CLDN14: variants seen among roughly 807,000 people sequenced by gnomAD.
CLDN14 encodes the protein claudin-14.
Under a neutral mutation model 2.1 loss-of-function variants are expected in CLDN14, and 2 were observed. The ratio of observed to expected loss-of-function variants is 0.96; its 90% CI spans 0.39 to 3.01. CLDN14 has a LOEUF of 3.01. Ranked by LOEUF, CLDN14 falls within the 30% of genes most tolerant of loss-of-function variation. The probability of loss-of-function intolerance (pLI) is 0.09; values close to 1 mark genes in which losing one functional copy is unlikely to be tolerated. For missense variants in CLDN14, 298 were observed against 328.0 expected, an observed-to-expected ratio of 0.91 and a Z score of 0.71; for synonymous variants, 136 against 154.4, an observed-to-expected ratio of 0.88 and a Z score of 0.88.
At chr21:36,483,971 A>AG (rs1207271547), upstream of CLDN14, among the ~76,000 whole-genome samples, 4 of 152,194 alleles carry the variant, frequency 2.6e-5, no homozygotes, top group Admixed American at 6.5e-5. Context: ...TAAGGAGCCA[A>AG]GGGGGACAGG....
In CLDN14 at chr21:36,558,917, A is replaced by G. The variant is rs142355977; in HGVS notation, c.-220+17494T>C. Among the ~76,000 whole-genome samples, 81 of 152,232 alleles carry G rather than the reference A, an allele frequency of 5.3e-4. No homozygotes were observed. In the East Asian group the frequency reaches 0.013, roughly 24 times the overall value. On this transcript the variant is annotated intron_variant, in intron 1 of 2. Coordinates refer to the CLDN14 transcript ENST00000342108. Reference sequence around the variant, plus strand: ...GACATTTTATTTATATGTAATGTTTATATATTTTAAAGATTTGTGCCAAGG... The same window carrying G: ...GACATTTTATTTATATGTAATGTTTGTATATTTTAAAGATTTGTGCCAAGG...
At chr21:36,485,166 T>C (rs1279050042) in intron 2 of CLDN14, among the ~76,000 whole-genome samples, 7 of 151,582 alleles carry the variant, frequency 4.6e-5, no homozygotes, top group Non-Finnish European at 5.9e-5. Flanking sequence ...ATGTGTTCTT[T>C]ACAGTTGCCA....
chr21:36,519,826 T>A (rs2087256992), intron 1 of CLDN14, among the ~76,000 whole-genome samples: 1 of 152,160 alleles, frequency 6.6e-6, no homozygotes, highest in African/African-American at 2.4e-5. Context: ...GAGAGCGTCT[T>A]CTCTGTTCCT....
chr21:36,568,565 T>C (rs420925), intron 1 of CLDN14, among the ~76,000 whole-genome samples: 114,272 of 152,082 alleles, frequency 0.75, 44,346 homozygotes, highest in Non-Finnish European at 0.87. Context: ...CAAAGCAAGA[T>C]GTTAAAAGCC....
upstream of CLDN14, among the ~76,000 whole-genome samples, chr21:36,482,376 G>A: frequency 4.5e-5 from 6 of 134,282 alleles, no homozygotes; most frequent in African/African-American, 1.8e-4. Flanking sequence ...ACTGACGGAT[G>A]GATGGATGGA....
upstream of CLDN14, among the ~76,000 whole-genome samples, chr21:36,482,363 TAGACTGAC>T (rs770506492): frequency 0.016 from 2,186 of 140,230 alleles, 19 homozygotes; most frequent in Middle Eastern, 0.051. Flanking sequence ...GATGGATGGA[TAGACTGAC>T]GGATGGATGG....
chr21:36,537,606 A>C (rs1273464259), intron 1 of CLDN14, among the ~76,000 whole-genome samples: 3 of 45,972 alleles, frequency 6.5e-5, no homozygotes, highest in Non-Finnish European at 2.8e-4. Flanking sequence ...TATCATGATC[A>C]TTTACAATTT....
At chr21:36,483,920 TAAAG>T (rs1362073301), upstream of CLDN14, among the ~76,000 whole-genome samples, 4 of 151,996 alleles carry the variant, frequency 2.6e-5, no homozygotes, top group African/African-American at 4.8e-5. Flanking sequence ...CCAATTGCAA[TAAAG>T]AAAGAAAGAA....
At chr21:36,575,563 CA>C (rs376636884) in intron 1 of CLDN14, among the ~76,000 whole-genome samples, 138 of 151,854 alleles carry the variant, frequency 9.1e-4, no homozygotes, top group African/African-American at 3.1e-3. Context: ...CCAAAGGGAA[CA>C]AAAAAAACCA....
intron 1 of CLDN14, among the ~76,000 whole-genome samples, chr21:36,478,572 G>A (rs907998738): frequency 5.9e-5 from 9 of 152,196 alleles, no homozygotes; most frequent in African/African-American, 2.2e-4. Flanking sequence ...TGAGAGACAC[G>A]GGCATGAACG....
At chr21:36,494,100 G>A (rs2086993782) in intron 2 of CLDN14, among the ~76,000 whole-genome samples, 1 of 152,190 alleles carries the variant, frequency 6.6e-6, no homozygotes, top group African/African-American at 2.4e-5. Context: ...GCCCACCCGT[G>A]CTGGGTGGAC....
intron 1 of CLDN14, among the ~76,000 whole-genome samples, chr21:36,463,042 G>T (rs377296138): frequency 6.6e-6 from 1 of 151,994 alleles, no homozygotes; most frequent in African/African-American, 2.4e-5. Flanking sequence ...ACAGAGAAAG[G>T]AAGGAAAAAA....
intron 1 of CLDN14, among the ~76,000 whole-genome samples, chr21:36,528,304 C>A (rs955736477): frequency 2.6e-5 from 4 of 152,174 alleles, no homozygotes; most frequent in African/African-American, 9.7e-5. Flanking sequence ...TTTATTGTCA[C>A]CGCAGTTCTG....
chr21:36,548,746 G>A (rs2087542353), intron 1 of CLDN14, among the ~76,000 whole-genome samples: 1 of 152,208 alleles, frequency 6.6e-6, no homozygotes, highest in Admixed American at 6.5e-5. Flanking sequence ...TTGGTCAGTT[G>A]ATGTGGGGAG....
At chr21:36,475,913 C>G (rs1433696783) in intron 1 of CLDN14, among the ~76,000 whole-genome samples, 1 of 152,118 alleles carries the variant, frequency 6.6e-6, no homozygotes, top group Non-Finnish European at 1.5e-5. Context: ...TTCAAATGAT[C>G]TGCCCTCCTC....
chr21:36,500,518 A>G (rs1042858763), intron 2 of CLDN14, among the ~76,000 whole-genome samples: 1 of 151,910 alleles, frequency 6.6e-6, no homozygotes, highest in South Asian at 2.1e-4. Context: ...CGCAACCTCC[A>G]CCTCCTGGGT....
At position 36,461,691 on chromosome 21, in the gene CLDN14, G is replaced by A; in HGVS notation, c.5C>T (p.Ala2Val). 6.4e-7 allele frequency: 1 copy of A among 1,550,412 alleles called. No individual in the cohort carries two copies. Among genetic ancestry groups the A allele is most frequent in the South Asian group, 1.2e-5 (1 of 84,154 alleles). Residue 2 changes from alanine to valine, a missense_variant, in exon 2 of 2, where the codon GCC (alanine) becomes GTC (valine). Ala to Val is a moderately conservative substitution (Grantham distance 64). Transcript: ENST00000399135. M[A>V]STAVQLLGFL... ...GCCCAGAAGCTGCACGGCCGTGCTG[G>A]CCATGGTGCGGCTGCCTGCCTAGGC...
chr21:36,519,175 G>C (rs1180391847), intron 1 of CLDN14, among the ~76,000 whole-genome samples: 1 of 152,206 alleles, frequency 6.6e-6, no homozygotes, highest in East Asian at 1.9e-4. Flanking sequence ...TTCTGTTTAA[G>C]ACTCTTGTCT....
intron 2 of CLDN14, among the ~76,000 whole-genome samples, chr21:36,490,543 C>G (rs1300611630): frequency 2.0e-5 from 3 of 151,834 alleles, no homozygotes; most frequent in Admixed American, 2.0e-4. Flanking sequence ...TGTGCACCAC[C>G]ATTCCAGGCT....
Sources: allele counts gnomAD v4.1 joint callset (sites outside exome capture counted in the v4.1 genomes callset), GRCh38; gene constraint gnomAD v4.1.1; transcripts MANE v1.5; gene names NCBI Gene and HGNC (gene_info 2026-07-23, HGNC 2026-07-21).